ASPH: variants seen among roughly 807,000 people sequenced by gnomAD.
ASPH encodes the protein aspartate beta-hydroxylase.
ASPH carries 100 observed loss-of-function variants against 118.4 expected under a neutral mutation model. That is an observed-to-expected ratio of 0.84 (90% confidence interval 0.72 to 1.00). ASPH has a LOEUF of 1.00. ASPH is among the 50% of genes least tolerant of loss of function. The pLI is 0.00. For missense variants in ASPH, 920 were observed against 919.5 expected (o/e 1.00, Z -0.01); for synonymous variants, 315 against 325.6 (o/e 0.97, Z 0.35).
chr8:61,519,939 A>T (rs370268867), intron 22 of ASPH, among the ~76,000 whole-genome samples: 1 of 152,306 alleles, frequency 6.6e-6, no homozygotes, highest in Admixed American at 6.5e-5. Flanking sequence ...AATTTGTTAC[A>T]CCAGCCACAG....
rs748798273 is a variant in ASPH at position 61,583,946 on chromosome 8, T to A, written c.1060A>T (p.Arg354Trp). 2 of 1,574,970 alleles carry A rather than the reference T, an allele frequency of 1.3e-6. No individual in the cohort carries two copies. Among genetic ancestry groups the A allele is most frequent in the Non-Finnish European group, 1.7e-6 (2 of 1,155,434 alleles). ...ELDAAEKLRK[R>W]GKIEEAVNAF... ...TTGCACAAAAAATATCAACCTACCCTTTTACGGAGTTTTTCTGCAGCATCA... is the reference window on the plus strand; with the variant it reads ...TTGCACAAAAAATATCAACCTACCCATTTACGGAGTTTTTCTGCAGCATCA... The change falls in exon 15 of 25, where the codon AGG becomes TGG. Residue 354 changes from arginine (R) to tryptophan (W), a missense_variant and splice_region_variant. By Grantham distance (101) the Arg-to-Trp change is moderately radical. Transcript: ENST00000379454.
intron 3 of ASPH, chr8:61,663,641 T>C (rs1818047412): frequency 2.0e-6 from 2 of 985,358 alleles, no homozygotes; most frequent in Non-Finnish European, 2.4e-6. Context: ...TCTTGTAATG[T>C]GTAAAAATGG....
At chr8:61,576,730 G>C (rs1470707722) in intron 16 of ASPH, 42 bp downstream of exon 16, 1 of 1,535,540 alleles carries the variant, frequency 6.5e-7, no homozygotes, top group Non-Finnish European at 8.9e-7. Context: ...CAAAACACAT[G>C]AACATCAAAA....
intron 14 of ASPH, among the ~76,000 whole-genome samples, chr8:61,586,467 G>T (rs1442401393): frequency 6.6e-6 from 1 of 152,096 alleles, no homozygotes; most frequent in African/African-American, 2.4e-5. Flanking sequence ...CAGAAACTTG[G>T]TTATAAAACA....
At chr8:61,624,786 C>T (rs1852140104) in intron 13 of ASPH, 2 of 985,562 alleles carry the variant, frequency 2.0e-6, no homozygotes, top group African/African-American at 1.7e-5. Context: ...CTTAGTTTCC[C>T]TAAAAAAATA....
intron 1 of ASPH, among the ~76,000 whole-genome samples, chr8:61,705,295 A>G (rs1231405731): frequency 1.3e-5 from 2 of 152,222 alleles, no homozygotes; most frequent in East Asian, 1.9e-4. Flanking sequence ...CTCAGCAGGT[A>G]TTAAGCTTAT....
At chr8:61,518,357 C>T (rs1811660962) in intron 22 of ASPH, among the ~76,000 whole-genome samples, 2 of 152,136 alleles carry the variant, frequency 1.3e-5, no homozygotes, top group Admixed American at 1.3e-4. Context: ...GATCCAAATT[C>T]TTCACTCGGT....
intron 1 of ASPH, among the ~76,000 whole-genome samples, chr8:61,699,917 ATGACGGCTACAGAGAAAGG>A (rs1246632408): frequency 1.3e-5 from 2 of 152,216 alleles, no homozygotes; most frequent in African/African-American, 2.4e-5. Flanking sequence ...GAACTGGGGA[ATGACGGCTACAGAGAAAGG>A]TGACGGCTAC....
intron 13 of ASPH, among the ~76,000 whole-genome samples, chr8:61,631,388 T>C (rs1044137445): frequency 1.1e-4 from 16 of 152,172 alleles, no homozygotes; most frequent in Non-Finnish European, 1.8e-4. Flanking sequence ...ATCTTTTTAT[T>C]TAATTTTCTA....
At chr8:61,663,966 C>A (rs1202811199) in intron 3 of ASPH, 1 of 867,670 alleles carries the variant, frequency 1.2e-6, no homozygotes, top group African/African-American at 1.8e-5. Flanking sequence ...TTTTTAAGAT[C>A]TTCATAAAAA....
intron 18 of ASPH, among the ~76,000 whole-genome samples, chr8:61,562,348 A>G (rs1174496361): frequency 1.5e-5 from 2 of 129,322 alleles, no homozygotes; most frequent in Admixed American, 9.0e-5. Flanking sequence ...TCTCTAGACC[A>G]TACTTCTGCC....
chr8:61,526,039 A>G lies in ASPH; in HGVS notation c.1838T>C (p.Leu613Pro). Residue 613 changes from leucine (L) to proline (P), a missense_variant, in exon 22 of 25, where the codon CTG (leucine) becomes CCG (proline). Leu to Pro is a moderately conservative substitution (Grantham distance 98). Transcript: ENST00000379454. Reference sequence around the variant, plus strand: ...TTCCCTCAGGTTTTCATCCTCAGGCAGGAAGAGACCTTTGGCTTTATCCAT... The same window carrying G: ...TTCCCTCAGGTTTTCATCCTCAGGCGGGAAGAGACCTTTGGCTTTATCCAT... ...AVMDKAKGLF[L>P]PEDENLREKG... 1 of 1,614,056 alleles carries G rather than the reference A, an allele frequency of 6.2e-7. No homozygotes were observed. The highest frequency in any genetic ancestry group is 8.5e-7 in the Non-Finnish European group (1 of 1,179,948).
chr8:61,558,011 A>G (rs1299648357), intron 18 of ASPH, among the ~76,000 whole-genome samples: 1 of 152,246 alleles, frequency 6.6e-6, no homozygotes, highest in Non-Finnish European at 1.5e-5. Flanking sequence ...TTGATTTACT[A>G]GACATCTTAG....
chr8:61,710,742 G>T (rs1259860757), intron 1 of ASPH, among the ~76,000 whole-genome samples: 1 of 152,162 alleles, frequency 6.6e-6, no homozygotes, highest in Non-Finnish European at 1.5e-5. Context: ...ATGGTCTTTG[G>T]CTAAAGAAAG....
At chr8:61,694,149 C>CA (rs1833370529) in intron 1 of ASPH, among the ~76,000 whole-genome samples, 1 of 152,156 alleles carries the variant, frequency 6.6e-6, no homozygotes, top group African/African-American at 2.4e-5. Flanking sequence ...ACAGAGAAAA[C>CA]AGAACCCTCA....
rs371913548 is a variant in ASPH at position 61,635,854 on chromosome 8, A to C, written c.889+2093T>G. ...GATTAGTACACAATATTTTCCTAAC[A>C]GGGTGTTTCGCTCTGCTTCCGTTCT... On this transcript the variant is annotated intron_variant, in intron 12 of 24. Coordinates refer to ENST00000379454, the MANE Select transcript of ASPH (RefSeq NM_004318.4). 3.1e-3 allele frequency among the ~76,000 whole-genome samples: 466 copies of C among 152,240 alleles called. 1 individual carries two copies. Among genetic ancestry groups the C allele is most frequent in the Non-Finnish European group, 5.1e-3 (350 of 68,016 alleles).
chr8:61,547,429 C>A (rs983935721), intron 21 of ASPH, among the ~76,000 whole-genome samples: 1 of 152,180 alleles, frequency 6.6e-6, no homozygotes, highest in African/African-American at 2.4e-5. Flanking sequence ...CTTTTAGGGG[C>A]TCTGCAAGAT....
chr8:61,684,248 TCA>T, intron 1 of ASPH, 60 bp from the exon 2 acceptor site: 1 of 1,496,108 alleles, frequency 6.7e-7, no homozygotes, highest in Non-Finnish European at 9.0e-7. Context: ...ACACTTATTC[TCA>T]CAATTATTTC....
At chr8:61,702,422 C>T (rs1835469212) in intron 1 of ASPH, among the ~76,000 whole-genome samples, 1 of 151,570 alleles carries the variant, frequency 6.6e-6, no homozygotes, top group African/African-American at 2.4e-5. Context: ...GTAGCTGGTA[C>T]TACAGGTGCC....
Sources: gnomAD v4.1 joint callset for allele counts (sites outside exome capture counted in the v4.1 genomes callset) on GRCh38, gnomAD v4.1.1 for gene constraint, MANE v1.5 for transcripts, NCBI Gene and HGNC (gene_info 2026-07-23, HGNC 2026-07-21) for gene names.